CSMD1: variants seen among roughly 807,000 people sequenced by gnomAD.
CSMD1 encodes CUB and Sushi multiple domains 1.
Under a neutral mutation model 417.5 loss-of-function variants are expected in CSMD1, and 213 were observed. That is an observed-to-expected ratio of 0.51 (90% CI 0.46 to 0.57). The LOEUF (loss-of-function observed/expected upper bound fraction) is 0.57, where lower values mean the gene tolerates loss of function less well. CSMD1 is among the 20% of genes least tolerant of loss of function. The probability of loss-of-function intolerance (pLI) is 0.00; values close to 1 mark genes in which losing one functional copy is unlikely to be tolerated. For synonymous variants in CSMD1, 2,862 were observed against 1,736.8 expected (o/e 1.65, Z -16.11); for missense variants, 6,923 against 4,529.7 (o/e 1.53, Z -15.17).
At chr8:4,423,841 T>C (rs1002467739) in intron 2 of CSMD1, among the ~76,000 whole-genome samples, 1 of 152,090 alleles carries the variant, frequency 6.6e-6, no homozygotes, top group East Asian at 1.9e-4. Flanking sequence ...GTTAAGACTA[T>C]TTGGTATCGG....
intron 5 of CSMD1, among the ~76,000 whole-genome samples, chr8:3,964,186 AG>A (rs1207881317): frequency 1.3e-5 from 2 of 152,200 alleles, no homozygotes; most frequent in South Asian, 4.1e-4. Flanking sequence ...TAAACATTAA[AG>A]GCATTTATTT....
intron 23 of CSMD1, among the ~76,000 whole-genome samples, chr8:3,342,547 A>G (rs1159644417): frequency 2.6e-5 from 4 of 152,224 alleles, no homozygotes; most frequent in Non-Finnish European, 4.4e-5. Flanking sequence ...CTTCAGAACT[A>G]AAAATGCTGA....
chr8:4,034,916 C>A (rs1386947031), intron 3 of CSMD1, among the ~76,000 whole-genome samples: 1 of 152,144 alleles, frequency 6.6e-6, no homozygotes, highest in East Asian at 1.9e-4. Flanking sequence ...AATGACCAGT[C>A]ATTGTCACAC....
At chr8:4,481,258 T>C (rs1178302680) in intron 2 of CSMD1, among the ~76,000 whole-genome samples, 2 of 152,248 alleles carry the variant, frequency 1.3e-5, no homozygotes, top group East Asian at 3.8e-4. Flanking sequence ...TACGTGCCCA[T>C]GCACATTTTC....
intron 5 of CSMD1, among the ~76,000 whole-genome samples, chr8:3,986,068 C>G (rs940543182): frequency 6.6e-6 from 1 of 151,968 alleles, no homozygotes; most frequent in African/African-American, 2.4e-5. Context: ...TATGAAGACC[C>G]CATCCAAAAA....
intron 5 of CSMD1, among the ~76,000 whole-genome samples, chr8:3,880,985 G>A (rs1238201519): frequency 6.6e-6 from 1 of 151,934 alleles, no homozygotes; most frequent in African/African-American, 2.4e-5. Flanking sequence ...ACTAGCAAAG[G>A]CAAATGAAGA....
chr8:4,377,926 C>T lies in CSMD1; in HGVS notation c.415+42027G>A, dbSNP rs556983408. Among the ~76,000 whole-genome samples, 136 of 152,270 alleles carry T rather than the reference C, an allele frequency of 8.9e-4. 1 individual carries two copies. The Middle Eastern group carries it at 0.014, about 15-fold the overall frequency. ...TGTATAGTACTTAAATTGGGAGGTACTTAACAAATGGCCCTCATAATATTG... is the reference window on the plus strand; with the variant it reads ...TGTATAGTACTTAAATTGGGAGGTATTTAACAAATGGCCCTCATAATATTG... On this transcript the variant is annotated intron_variant, in intron 3 of 69. Transcript: ENST00000635120.
intron 8 of CSMD1, among the ~76,000 whole-genome samples, chr8:3,603,256 A>C (rs1378714419): frequency 6.6e-6 from 1 of 152,216 alleles, no homozygotes; most frequent in Non-Finnish European, 1.5e-5. Flanking sequence ...CCTAGTAACC[A>C]TGAATCCTCC....
At chr8:4,239,959 C>G (rs576928931) in intron 3 of CSMD1, among the ~76,000 whole-genome samples, 3 of 152,264 alleles carry the variant, frequency 2.0e-5, no homozygotes, top group East Asian at 1.9e-4. Flanking sequence ...ACTTTTAAAT[C>G]CAAACCTCTT....
At chr8:4,197,458 G>A (rs755346949) in intron 3 of CSMD1, among the ~76,000 whole-genome samples, 8 of 152,250 alleles carry the variant, frequency 5.3e-5, no homozygotes, top group South Asian at 2.1e-4. Context: ...GGTGGGCCCC[G>A]TTTCATCACT....
intron 1 of CSMD1, among the ~76,000 whole-genome samples, chr8:4,652,713 T>C (rs527612342): frequency 7.2e-5 from 11 of 152,126 alleles, no homozygotes; most frequent in African/African-American, 2.7e-4. Flanking sequence ...CCAAGCGCAG[T>C]GACAAGCTCT....
chr8:3,511,565 G>A lies in CSMD1; in HGVS notation c.1345-17839C>T, dbSNP rs184042586. On this transcript the variant is annotated intron_variant, in intron 10 of 69. Coordinates refer to ENST00000635120, the MANE Select transcript of CSMD1 (RefSeq NM_033225.6). ...AGGTCAGGAATTTGAGATCAGCCCG[G>A]CCAAAATGGTGAAACCCCTCTCTAC... is the stretch of plus-strand genomic sequence containing the variant. Among the ~76,000 whole-genome samples, 159 of 151,520 alleles carry A rather than the reference G, an allele frequency of 1.0e-3. 1 individual carries two copies. Among genetic ancestry groups the A allele is most frequent in the Non-Finnish European group, 1.5e-3 (105 of 67,956 alleles).
rs114165899 is a variant in CSMD1 at position 4,301,691 on chromosome 8, A to G, written c.415+118262T>C. On this transcript the variant is annotated intron_variant, in intron 3 of 69. Coordinates refer to ENST00000635120, the MANE Select transcript of CSMD1 (RefSeq NM_033225.6). ...CAATTAGGGCATGGACCAGATTATT[A>G]TTTTTCTTGCAAATTGATGTGCATA... Among the ~76,000 whole-genome samples the G allele has an allele frequency of 2.8e-3, 429 of 152,112 alleles. 2 individuals carry two copies. The highest frequency in any genetic ancestry group is 0.01 in the African/African-American group (415 of 41,478).
chr8:3,082,087 T>A (rs1814144160), intron 49 of CSMD1, among the ~76,000 whole-genome samples: 1 of 152,226 alleles, frequency 6.6e-6, no homozygotes, highest in Non-Finnish European at 1.5e-5. Context: ...CTGTGGACTC[T>A]GTTTCCTAAG....
At chr8:3,500,305 C>T (rs1204019784) in intron 10 of CSMD1, among the ~76,000 whole-genome samples, 1 of 152,044 alleles carries the variant, frequency 6.6e-6, no homozygotes, top group African/African-American at 2.4e-5. Flanking sequence ...AGCTAGACAT[C>T]TCGATGTCTG....
At chr8:4,499,562 G>C (rs915900820) in intron 2 of CSMD1, among the ~76,000 whole-genome samples, 2 of 152,186 alleles carry the variant, frequency 1.3e-5, no homozygotes, top group African/African-American at 2.4e-5. Context: ...TAACATATAA[G>C]AGGGCAATAA....
chr8:4,395,389 T>A (rs1304680693), intron 3 of CSMD1, among the ~76,000 whole-genome samples: 1 of 152,060 alleles, frequency 6.6e-6, no homozygotes, highest in South Asian at 2.1e-4. Flanking sequence ...CTGGTCCAGC[T>A]AGCCAGGCTC....
chr8:3,947,664 G>A (rs771118186), intron 5 of CSMD1, among the ~76,000 whole-genome samples: 2 of 152,148 alleles, frequency 1.3e-5, no homozygotes, highest in African/African-American at 2.4e-5. Flanking sequence ...GTTTAATTAT[G>A]TTGTGATAAG....
chr8:4,182,263 C>G (rs527526606), intron 3 of CSMD1, among the ~76,000 whole-genome samples: 1 of 152,026 alleles, frequency 6.6e-6, no homozygotes, highest in Admixed American at 6.6e-5. Context: ...TCTAGATTAT[C>G]GTTTGCATGA....
Sources: allele counts gnomAD v4.1 joint callset (sites outside exome capture counted in the v4.1 genomes callset), GRCh38; gene constraint gnomAD v4.1.1; transcripts MANE v1.5; gene names NCBI Gene and HGNC (gene_info 2026-07-23, HGNC 2026-07-21).